Variants in CFI observed in about 807,000 individuals in gnomAD.
CFI encodes complement factor I, also known as C3B/C4B inactivator.
In CFI, 66 loss-of-function variants were observed where a neutral mutation model predicts 78.8. That is an observed-to-expected ratio of 0.84 (90% CI 0.69 to 1.03). CFI has a LOEUF of 1.03. CFI is among the 50% of genes least tolerant of loss of function. CFI has a pLI of 0.00. For missense variants in CFI, 706 were observed against 704.5 expected (o/e 1.00, Z -0.02); for synonymous variants, 250 against 232.6 (o/e 1.07, Z -0.68).
At chr4:109,760,223 C>A (rs772503136) in intron 6 of CFI, 47 bp downstream of exon 6, 2 of 1,327,818 alleles carry the variant, frequency 1.5e-6, no homozygotes, top group East Asian at 2.3e-5. Context: ...GTTTCAGAAT[C>A]CCTGGATTCA....
chr4:109,783,761 C>G (rs965387580), intron 1 of CFI, among the ~76,000 whole-genome samples: 1 of 148,692 alleles, frequency 6.7e-6, no homozygotes, highest in Non-Finnish European at 1.5e-5. Context: ...ATTGCAAAAT[C>G]GCAGAGCCAA....
Position 109,760,509 on chromosome 4 carries a change from A to G in CFI, c.772+14T>C. On this transcript the variant is annotated intron_variant, in intron 5 of 12. Coordinates refer to ENST00000394634, the MANE Select transcript of CFI (RefSeq NM_000204.5). ...AATGAATTTAGAGGATTTAGAGGCT[A>G]GATTTATGTCTACCTTTACAACACA... The G allele has an allele frequency of 6.6e-7, 1 of 1,516,960 alleles. No individual in the cohort carries two copies. Among genetic ancestry groups the G allele is most frequent in the East Asian group, 2.3e-5 (1 of 44,404 alleles). The allele number at this position is 1,516,960 out of a possible 1,614,324, so 94.0% of individuals were successfully genotyped here.
chr4:109,759,515 A>G (rs6533454), intron 6 of CFI, among the ~76,000 whole-genome samples: 148,595 of 152,278 alleles, frequency 0.98, 72,597 homozygotes, highest in East Asian at 1. Flanking sequence ...TTAGATATAC[A>G]AATGAGAGAA....
At chr4:109,754,412 T>TAG (rs1725854383) in intron 7 of CFI, among the ~76,000 whole-genome samples, 1 of 131,996 alleles carries the variant, frequency 7.6e-6, no homozygotes, top group South Asian at 2.4e-4. Flanking sequence ...ATGCAGAAGT[T>TAG]AAAAAAAAAA....
intron 1 of CFI, among the ~76,000 whole-genome samples, chr4:109,799,391 T>C (rs1732473916): frequency 6.6e-6 from 1 of 152,192 alleles, no homozygotes; most frequent in Non-Finnish European, 1.5e-5. Context: ...ACACATTATT[T>C]TTGAATAAGG....
At chr4:109,801,274 C>A (rs1209317311) in intron 1 of CFI, among the ~76,000 whole-genome samples, 1 of 152,192 alleles carries the variant, frequency 6.6e-6, no homozygotes, top group African/African-American at 2.4e-5. Context: ...GTAGCACTTG[C>A]TGCTTTTCCT....
intron 1 of CFI, among the ~76,000 whole-genome samples, chr4:109,772,294 T>C (rs11934594): frequency 0.11 from 16,693 of 152,250 alleles, 2,103 homozygotes; most frequent in African/African-American, 0.31. Context: ...TGCCAAAATA[T>C]GAGCTGATGA....
chr4:109,783,552 G>A (rs1284912015), intron 1 of CFI, among the ~76,000 whole-genome samples: 1 of 151,838 alleles, frequency 6.6e-6, no homozygotes, highest in African/African-American at 2.4e-5. Flanking sequence ...GTGGTGATCA[G>A]GGAACACTTC....
At chr4:109,733,413 G>A in the CFI span, among the ~76,000 whole-genome samples, 1 of 152,214 alleles carries the variant, frequency 6.6e-6, no homozygotes, top group Non-Finnish European at 1.5e-5. Flanking sequence ...ATCATTAGTT[G>A]CAAATCCACA....
chr4:109,760,391 A>G lies in CFI; in HGVS notation c.773-11T>C, dbSNP rs777966159. ...CTTTGCCTTGGCATGCTGTGCAAAC[A>G]TAAGCAGGAGAGGTTTTTTTCATTC... On this transcript the variant is annotated splice_polypyrimidine_tract_variant and intron_variant, in intron 5 of 12. Transcript: ENST00000394634. The G allele has an allele frequency of 2.5e-6, 4 of 1,605,642 alleles. No individual in the cohort carries two copies. The Admixed American group carries it at 6.7e-5, about 27-fold the overall frequency.
intron 2 of CFI, among the ~76,000 whole-genome samples, 172 bp from the exon 3 acceptor site, chr4:109,764,862 G>A (rs892871767): frequency 2.6e-5 from 4 of 152,098 alleles, no homozygotes; most frequent in Admixed American, 2.0e-4. Flanking sequence ...ATGTGTCAGC[G>A]GCAGTGCTAT....
At chr4:109,799,049 C>A (rs914998291) in intron 1 of CFI, among the ~76,000 whole-genome samples, 3 of 152,080 alleles carry the variant, frequency 2.0e-5, no homozygotes, top group African/African-American at 7.2e-5. Context: ...CTTAGACAAC[C>A]ACCAGAGGTG....
intron 1 of CFI, among the ~76,000 whole-genome samples, chr4:109,768,692 T>C (rs1414550059): frequency 1.3e-5 from 2 of 152,114 alleles, no homozygotes; most frequent in African/African-American, 4.8e-5. Flanking sequence ...TGTCCTCTAG[T>C]CTCCCCTGCT....
chr4:109,766,834 G>T lies in CFI; in HGVS notation c.58-10C>A. On this transcript the variant is annotated splice_polypyrimidine_tract_variant and intron_variant, in intron 1 of 12. Transcript: ENST00000394634. Reference sequence around the variant, plus strand: ...GAGATGTATAAGTGACCTGTAAAATGCAAAATAAACATTAACTTAGCAACA... The same window carrying T: ...GAGATGTATAAGTGACCTGTAAAATTCAAAATAAACATTAACTTAGCAACA... 1.2e-6 allele frequency: 2 copies of T among 1,613,828 alleles called. No individual in the cohort carries two copies. The highest frequency in any genetic ancestry group is 1.7e-6 in the Non-Finnish European group (2 of 1,179,936).
chr4:109,754,103 C>T (rs1561294959), intron 7 of CFI, among the ~76,000 whole-genome samples: 1 of 151,624 alleles, frequency 6.6e-6, no homozygotes, highest in African/African-American at 2.4e-5. Context: ...CCTGCCTCAG[C>T]CTCCCGAGTA....
intron 1 of CFI, among the ~76,000 whole-genome samples, chr4:109,771,570 C>T (rs568800543): frequency 6.6e-5 from 10 of 150,802 alleles, no homozygotes; most frequent in South Asian, 2.1e-4. Flanking sequence ...AAAAATTAGC[C>T]GGGCGTAGTG....
At chr4:109,778,332 A>G (rs543270602) in intron 1 of CFI, among the ~76,000 whole-genome samples, 5 of 152,242 alleles carry the variant, frequency 3.3e-5, no homozygotes, top group South Asian at 2.1e-4. Context: ...ACAAACTACC[A>G]TCAGAGAATA....
intron 1 of CFI, among the ~76,000 whole-genome samples, chr4:109,801,318 A>T (rs1732747139): frequency 6.6e-6 from 1 of 152,090 alleles, no homozygotes; most frequent in Non-Finnish European, 1.5e-5. Context: ...CCTCTTTCTC[A>T]CCACTGATCA....
At chr4:109,751,665 T>TTTGGG (rs1725155557) in intron 8 of CFI, among the ~76,000 whole-genome samples, 2 of 152,120 alleles carry the variant, frequency 1.3e-5, no homozygotes, top group Admixed American at 6.6e-5. Flanking sequence ...GGTCTTGAAC[T>TTTGGG]CCTGACCTGA....
Sources: allele counts gnomAD v4.1 joint callset (sites outside exome capture counted in the v4.1 genomes callset), GRCh38; gene constraint gnomAD v4.1.1; transcripts MANE v1.5; gene names NCBI Gene and HGNC (gene_info 2026-07-23, HGNC 2026-07-21).